CHD6: variants seen among roughly 807,000 people sequenced by gnomAD.
CHD6 encodes the protein chromodomain helicase DNA binding protein 6.
Under a neutral mutation model 276.9 loss-of-function variants are expected in CHD6, and 50 were observed. The observed-to-expected ratio is 0.18, with a 90% confidence interval of 0.14 to 0.23. The LOEUF is 0.23. CHD6 is among the 10% of genes least tolerant of loss of function. CHD6 has a pLI of 1.00. For synonymous variants in CHD6, 1,173 were observed against 1,229.3 expected (o/e 0.95, Z 0.96); for missense variants, 2,564 against 3,365.8 (o/e 0.76, Z 5.89).
intron 29 of CHD6, 118 bp from the exon 30 acceptor site, chr20:41,423,818 T>G: frequency 1.3e-6 from 1 of 754,006 alleles, no homozygotes; most frequent in Non-Finnish European, 2.2e-6. Context: ...CAGAGCTGGT[T>G]TGTCTCTTTT....
chr20:41,444,483 C>G lies in CHD6; in HGVS notation c.3877+1182G>C, dbSNP rs111241272. ...CAGCACCGCTTTAGCCTAACCCCGG[C>G]GGTTTGACAAAGGGTTCTCAGCAGC... is the stretch of plus-strand genomic sequence containing the variant. On this transcript the variant is annotated intron_variant, in intron 25 of 36. Coordinates refer to ENST00000373233, the MANE Select transcript of CHD6 (RefSeq NM_032221.5). Among the ~76,000 whole-genome samples the G allele has an allele frequency of 1.6e-3, 250 of 152,266 alleles. 1 individual carries two copies. Among genetic ancestry groups the G allele is most frequent in the Non-Finnish European group, 2.7e-3 (186 of 68,022 alleles).
chr20:41,412,695 C>A (rs905226427), intron 35 of CHD6, among the ~76,000 whole-genome samples: 1 of 152,130 alleles, frequency 6.6e-6, no homozygotes, highest in Non-Finnish European at 1.5e-5. Context: ...ATTAGTTAGG[C>A]GCACCCAGGA....
At chr20:41,409,575 C>T (rs540671996) in intron 36 of CHD6, among the ~76,000 whole-genome samples, 6 of 152,226 alleles carry the variant, frequency 3.9e-5, no homozygotes, top group African/African-American at 1.4e-4. Flanking sequence ...TACATTCATC[C>T]AACAAACGCA....
At chr20:41,615,063 G>A (rs146079385) in intron 1 of CHD6, among the ~76,000 whole-genome samples, 1 of 152,156 alleles carries the variant, frequency 6.6e-6, no homozygotes, top group African/African-American at 2.4e-5. Context: ...CAGTACGCTT[G>A]AGCTTTTAAA....
In CHD6 at chr20:41,454,652, G is replaced by C; in HGVS notation, c.3094C>G (p.Leu1032Val). 1.9e-6 allele frequency: 3 copies of C among 1,613,490 alleles called. No homozygotes were observed. Among genetic ancestry groups the C allele is most frequent in the South Asian group, 1.1e-5 (1 of 90,974 alleles). Residue 1032 changes from leucine (L) to valine (V), a missense_variant, in exon 20 of 37, where the codon CTA (leucine) becomes GTA (valine). By Grantham distance (32) the Leu-to-Val change is conservative. This residue lies in a region of CHD6 where 515 missense variants were observed against 739.5 expected (regional missense o/e 0.70). Coordinates refer to ENST00000373233, the MANE Select transcript of CHD6 (RefSeq NM_032221.5). ...FWQKWAKIAE[L>V]DTEAKNEKES... ...TTTTCATTCTTTGCTTCAGTGTCTA[G>C]TTCAGCTATTTTAGCCCATTTCTGC... is the stretch of plus-strand genomic sequence containing the variant.
intron 4 of CHD6, among the ~76,000 whole-genome samples, chr20:41,513,729 C>G (rs1374099768): frequency 6.6e-6 from 1 of 152,148 alleles, no homozygotes; most frequent in Non-Finnish European, 1.5e-5. Flanking sequence ...CTTCAGGGAA[C>G]CATTTATCAG....
intron 2 of CHD6, among the ~76,000 whole-genome samples, chr20:41,541,707 G>A (rs928839501): frequency 6.6e-6 from 1 of 152,188 alleles, no homozygotes; most frequent in South Asian, 2.1e-4. Flanking sequence ...CAGAATCATC[G>A]CAGGTGTCAA....
chr20:41,459,917 T>C (rs190963718), intron 17 of CHD6, among the ~76,000 whole-genome samples: 4 of 152,290 alleles, frequency 2.6e-5, no homozygotes, highest in Admixed American at 2.0e-4. Context: ...CAGAAGAAGA[T>C]AAAATGTGGG....
At chr20:41,532,654 C>T (rs2044715797) in intron 3 of CHD6, among the ~76,000 whole-genome samples, 1 of 152,128 alleles carries the variant, frequency 6.6e-6, no homozygotes, top group African/African-American at 2.4e-5. Context: ...TCATTTTTGG[C>T]TGAAAGCTAA....
In CHD6 at chr20:41,403,209, A is replaced by G; in HGVS notation, c.*1384T>C. The G allele has an allele frequency of 1.0e-6, 1 of 993,576 alleles. No individual in the cohort carries two copies. The highest frequency in any genetic ancestry group is 1.2e-6 in the Non-Finnish European group (1 of 814,704). The allele number at this position is 993,576 out of a possible 1,614,324, so 61.5% of individuals were successfully genotyped here. A position where few individuals can be genotyped will look rare whatever the true frequency, so the allele number is the denominator to read the frequency against. On this transcript the variant is annotated 3_prime_UTR_variant, in exon 37 of 37. Coordinates refer to ENST00000373233, the MANE Select transcript of CHD6 (RefSeq NM_032221.5). ...CAGTAAATTGTGACAACAAAAAGTGAAACTGGTACTAGTAACACTTGCAAC... is the reference window on the plus strand; with the variant it reads ...CAGTAAATTGTGACAACAAAAAGTGGAACTGGTACTAGTAACACTTGCAAC...
intron 1 of CHD6, among the ~76,000 whole-genome samples, chr20:41,583,991 G>T (rs2045567082): frequency 6.6e-6 from 1 of 151,964 alleles, no homozygotes; most frequent in Non-Finnish European, 1.5e-5. Flanking sequence ...AAATCAACTG[G>T]CAAGATAACA....
intron 1 of CHD6, among the ~76,000 whole-genome samples, chr20:41,552,135 T>C (rs1163858747): frequency 1.3e-5 from 2 of 152,214 alleles, no homozygotes; most frequent in African/African-American, 2.4e-5. Context: ...CCTGCATCAC[T>C]AACTAGTACT....
chr20:41,610,750 T>G (rs1234695457), intron 1 of CHD6, among the ~76,000 whole-genome samples: 1 of 143,446 alleles, frequency 7.0e-6, no homozygotes, highest in Non-Finnish European at 1.5e-5. Context: ...AGAGTGAGAC[T>G]CCGTCTCAAA....
At chr20:41,522,226 G>A (rs182157277) in intron 3 of CHD6, among the ~76,000 whole-genome samples, 1 of 152,102 alleles carries the variant, frequency 6.6e-6, no homozygotes, top group Admixed American at 6.5e-5. Flanking sequence ...CATGCCTGTA[G>A]TCCCAGGTAC....
Position 41,529,815 on chromosome 20 carries a change from G to A in CHD6, c.554+3235C>T, listed in dbSNP as rs185335038. Among the ~76,000 whole-genome samples the A allele has an allele frequency of 1.2e-4, 18 of 152,202 alleles. No individual in the cohort carries two copies. The East Asian group carries it at 2.5e-3, about 21-fold the overall frequency. On this transcript the variant is annotated intron_variant, in intron 3 of 36. Transcript: ENST00000373233. ...GTCCTGGAGGCAACAGGAGCAATCA[G>A]GGGACAACAGGAGCAATCAGGGGGC...
At chr20:41,605,018 T>C (rs1180796197) in intron 1 of CHD6, among the ~76,000 whole-genome samples, 1 of 152,208 alleles carries the variant, frequency 6.6e-6, no homozygotes, top group East Asian at 1.9e-4. Flanking sequence ...TCCTGAGTGA[T>C]ATAATTACAC....
At chr20:41,550,982 T>A (rs1449438327) in intron 2 of CHD6, among the ~76,000 whole-genome samples, 1 of 152,216 alleles carries the variant, frequency 6.6e-6, no homozygotes, top group African/African-American at 2.4e-5. Flanking sequence ...ATATAAAATA[T>A]AAAGAATTGG....
At position 41,473,148 on chromosome 20, in the gene CHD6, G is replaced by A; in HGVS notation, c.2664+174C>T. The A allele has an allele frequency of 1.8e-6, 1 of 555,334 alleles. No individual in the cohort carries two copies. Among genetic ancestry groups the A allele is most frequent in the Non-Finnish European group, 3.2e-6 (1 of 316,154 alleles). The allele number at this position is 555,334 out of a possible 1,614,324, so 34.4% of individuals were successfully genotyped here. A position where few individuals can be genotyped will look rare whatever the true frequency, so the allele number is the denominator to read the frequency against. ...AACCACACTCTCTAATTAGTTGGAA[G>A]GGTCGACATTTACTTTTCATTCAGT... is the stretch of plus-strand genomic sequence containing the variant. On this transcript the variant is annotated intron_variant, in intron 17 of 36. Coordinates refer to ENST00000373233, the MANE Select transcript of CHD6 (RefSeq NM_032221.5). This position sits in a 1 kb window ranked among gnomAD's most constrained non-coding sequence, Gnocchi z 4.1.
At chr20:41,411,548 ATGT>A (rs773627434) in intron 36 of CHD6, among the ~76,000 whole-genome samples, 13 of 152,298 alleles carry the variant, frequency 8.5e-5, no homozygotes, top group Non-Finnish European at 1.9e-4. Context: ...TCAAGTTGAA[ATGT>A]TGTTACTGCC....
Sources: allele counts gnomAD v4.1 joint callset (sites outside exome capture counted in the v4.1 genomes callset), GRCh38; gene constraint gnomAD v4.1.1; regional missense constraint gnomAD v4.1.1; non-coding constraint Gnocchi (gnomAD v3.1); transcripts MANE v1.5; gene names NCBI Gene and HGNC (gene_info 2026-07-23, HGNC 2026-07-21).